Variants in ZNF18 observed in about 807,000 individuals in gnomAD.
ZNF18 encodes zinc finger protein 18.
Under a neutral mutation model 58.1 loss-of-function variants are expected in ZNF18, and 42 were observed. The ratio of observed to expected loss-of-function variants is 0.72; its 90% CI spans 0.56 to 0.93. ZNF18 has a LOEUF of 0.93. Among genes scored for constraint, ZNF18 ranks in the 40% least tolerant of loss-of-function variants. The probability of loss-of-function intolerance (pLI) is 0.00; values close to 1 mark genes in which losing one functional copy is unlikely to be tolerated. For synonymous variants in ZNF18, 231 were observed against 239.8 expected (o/e 0.96, Z 0.34); for missense variants, 540 against 644.2 (o/e 0.84, Z 1.75).
At chr17:11,990,940 T>C in intron 3 of ZNF18, 34 bp downstream of exon 3, 1 of 1,588,066 alleles carries the variant, frequency 6.3e-7, no homozygotes, top group Admixed American at 1.7e-5. Flanking sequence ...TCCCAAAATC[T>C]CTCCAAGAGA....
At chr17:12,020,099 T>A in the ZNF18 span, among the ~76,000 whole-genome samples, 3 of 152,254 alleles carry the variant, frequency 2.0e-5, no homozygotes, top group Admixed American at 6.5e-5. Flanking sequence ...CTTACAATAA[T>A]GACTACGGCT....
the ZNF18 span, chr17:12,021,362 C>T: frequency 6.4e-6 from 1 of 156,852 alleles, no homozygotes; most frequent in East Asian, 1.8e-4. Flanking sequence ...AACGCGCCGG[C>T]TCGGGGCTGC....
chr17:12,017,475 C>T, the ZNF18 span, among the ~76,000 whole-genome samples: 6 of 152,166 alleles, frequency 3.9e-5, no homozygotes, highest in African/African-American at 1.2e-4. Context: ...ACTGTTCCAT[C>T]CAAATAGAGG....
chr17:12,021,478 G>A, the ZNF18 span: 5 of 152,136 alleles, frequency 3.3e-5, no homozygotes, highest in African/African-American at 1.2e-4. Context: ...CGCCGCCGCA[G>A]TGGGCCCCGC....
chr17:12,004,141 G>C, the ZNF18 span, among the ~76,000 whole-genome samples: 10 of 152,038 alleles, frequency 6.6e-5, no homozygotes, highest in African/African-American at 2.4e-4. Flanking sequence ...TGAGGCAGGA[G>C]AATCGCTTGA....
intron 1 of ZNF18, among the ~76,000 whole-genome samples, chr17:11,994,115 A>T (rs1968316303): frequency 6.6e-6 from 1 of 152,116 alleles, no homozygotes. Flanking sequence ...CCTAAGACTA[A>T]TCACAGCAAT....
In ZNF18 at chr17:11,992,925, G is replaced by C; in HGVS notation, c.-82-14C>G. 7.3e-7 allele frequency: 1 copy of C among 1,370,232 alleles called. No individual in the cohort carries two copies. Among genetic ancestry groups the C allele is most frequent in the Middle Eastern group, 2.6e-4 (1 of 3,782 alleles). 84.9% of individuals were successfully genotyped at this position (1,370,232 alleles called of 1,614,324 possible). ...TTCACCAGGACACTAAAAAGGGAAT[G>C]AGATTGAGTGCTACACAGAGGAAGG... On this transcript the variant is annotated splice_polypyrimidine_tract_variant and intron_variant, in intron 1 of 6. Coordinates refer to ENST00000580306, the MANE Select transcript of ZNF18 (RefSeq NM_001303281.2).
chr17:12,016,317 A>G, the ZNF18 span, among the ~76,000 whole-genome samples: 1 of 151,616 alleles, frequency 6.6e-6, no homozygotes, highest in Non-Finnish European at 1.5e-5. Context: ...TCTTTTTATT[A>G]TTATTATTTC....
rs748584959 is a variant in ZNF18 at position 11,992,426 on chromosome 17, T to C, written c.387+17A>G. ...AGCCCTGTGTTTCACTCGCAGATCA[T>C]AATACCCTCTGCTTACCCATTGCCA... is the stretch of plus-strand genomic sequence containing the variant. On this transcript the variant is annotated intron_variant, in intron 2 of 6. Transcript: ENST00000580306. The C allele has an allele frequency of 1.9e-6, 3 of 1,609,978 alleles. No individual in the cohort carries two copies. The highest frequency in any genetic ancestry group is 1.1e-5 in the South Asian group (1 of 90,688).
Position 11,977,899 on chromosome 17 carries a change from G to C in ZNF18, c.*58C>G. On this transcript the variant is annotated 3_prime_UTR_variant, in exon 7 of 7. Transcript: ENST00000580306. ...AGACACAATTCCTCTTGATGGAGCT[G>C]AGTATTTTTGTGACTGGGCTGGGAG... 18 of 1,511,516 alleles carry C rather than the reference G, an allele frequency of 1.2e-5. No homozygotes were observed. The highest frequency in any genetic ancestry group is 1.4e-5 in the Non-Finnish European group (16 of 1,128,700). The allele number at this position is 1,511,516 out of a possible 1,614,324, so 93.6% of individuals were successfully genotyped here.
intron 5 of ZNF18, among the ~76,000 whole-genome samples, chr17:11,983,677 G>C (rs1967531484): frequency 6.6e-6 from 1 of 152,106 alleles, no homozygotes; most frequent in Non-Finnish European, 1.5e-5. Context: ...TGAGAATCAT[G>C]ATGGGGATCC....
intron 4 of ZNF18, among the ~76,000 whole-genome samples, chr17:11,987,678 A>C (rs1333115671): frequency 6.6e-6 from 1 of 152,250 alleles, no homozygotes; most frequent in African/African-American, 2.4e-5. Context: ...TGTACCTACT[A>C]CAGAAACAAC....
chr17:12,020,213 G>C, the ZNF18 span, among the ~76,000 whole-genome samples: 1 of 152,198 alleles, frequency 6.6e-6, no homozygotes, highest in Non-Finnish European at 1.5e-5. Context: ...GAAGTGTCGA[G>C]TGCTTAAATA....
At chr17:12,010,795 G>A in the ZNF18 span, 3 of 377,582 alleles carry the variant, frequency 7.9e-6, no homozygotes, top group African/African-American at 2.1e-5. Context: ...CTTCCTACTG[G>A]TTCTCACGAA....
At chr17:12,015,899 TTG>T in the ZNF18 span, among the ~76,000 whole-genome samples, 1 of 152,028 alleles carries the variant, frequency 6.6e-6, no homozygotes, top group African/African-American at 2.4e-5. Flanking sequence ...AGCAATTCTC[TTG>T]GTACTCAGCC....
At chr17:12,018,425 T>C in the ZNF18 span, among the ~76,000 whole-genome samples, 18 of 152,232 alleles carry the variant, frequency 1.2e-4, no homozygotes, top group Non-Finnish European at 2.2e-4. Context: ...CTGTGGCTTG[T>C]AGATGATCAT....
the ZNF18 span, among the ~76,000 whole-genome samples, chr17:12,018,533 G>GTAAATGAGGACTTT: frequency 6.6e-6 from 1 of 152,282 alleles, no homozygotes; most frequent in Admixed American, 6.5e-5. Flanking sequence ...TTACTTTAAA[G>GTAAATGAGGACTTT]ACCCTATTTC....
At position 11,978,242 on chromosome 17, in the gene ZNF18, C is replaced by T; in HGVS notation, c.1365G>A (p.Gln455=). The T allele has an allele frequency of 6.2e-7, 1 of 1,613,444 alleles. No homozygotes were observed. The highest frequency in any genetic ancestry group is 1.3e-5 in the African/African-American group (1 of 74,956). Reference sequence around the variant, plus strand: ...AGGGCTTCTCTCCCGTGTGAGTTCTCTGATGCTTCACAAAGTCTGAACTCC... The same window carrying T: ...AGGGCTTCTCTCCCGTGTGAGTTCTTTGATGCTTCACAAAGTCTGAACTCC... The part of the protein sequence containing the change: ...FLRSSDFVKH[Q]RTHTGEKPCK... The change falls in exon 7 of 7, where the codon CAG becomes CAA. Residue 455 remains glutamine (Q), a synonymous_variant. Coordinates refer to ENST00000580306, the MANE Select transcript of ZNF18 (RefSeq NM_001303281.2).
chr17:11,987,140 G>A (rs967708087), intron 4 of ZNF18, among the ~76,000 whole-genome samples: 2 of 152,160 alleles, frequency 1.3e-5, no homozygotes, highest in Non-Finnish European at 2.9e-5. Context: ...TTCTATTTTT[G>A]TGTGGAACTG....
Sources: allele counts gnomAD v4.1 joint callset (sites outside exome capture counted in the v4.1 genomes callset), GRCh38; gene constraint gnomAD v4.1.1; transcripts MANE v1.5; gene names NCBI Gene and HGNC (gene_info 2026-07-23, HGNC 2026-07-21).